CLIP2: variants seen among roughly 807,000 people sequenced by gnomAD.
The protein encoded by CLIP2 is CAP-Gly domain containing linker protein 2.
In CLIP2, 41 loss-of-function variants were observed where a neutral mutation model predicts 111.7. That is an observed-to-expected ratio of 0.37 (90% CI 0.29 to 0.48). The LOEUF is 0.48. Ranked by LOEUF, CLIP2 falls within the 20% of genes least tolerant of loss-of-function variation. CLIP2 has a pLI of 0.99. For synonymous variants in CLIP2, 660 were observed against 644.2 expected (o/e 1.02, Z -0.37); for missense variants, 1,160 against 1,422.1 (o/e 0.82, Z 2.96).
chr7:74,330,605 C>G (rs560774826), intron 2 of CLIP2, among the ~76,000 whole-genome samples: 1 of 152,000 alleles, frequency 6.6e-6, no homozygotes, highest in Non-Finnish European at 1.5e-5. Context: ...TCCTCTTCCC[C>G]TACCCCCAGG....
chr7:74,401,718 A>C, intron 16 of CLIP2, 151 bp downstream of exon 16: 3 of 775,542 alleles, frequency 3.9e-6, no homozygotes, highest in Non-Finnish European at 6.6e-6. Context: ...GTTGCAGGCA[A>C]ACTTGATTCC....
intron 5 of CLIP2, among the ~76,000 whole-genome samples, chr7:74,356,950 A>G (rs1409054886): frequency 2.6e-5 from 4 of 152,174 alleles, no homozygotes; most frequent in Non-Finnish European, 5.9e-5. Flanking sequence ...CTATGGGCAG[A>G]GGGCATTCTG....
rs1491364649 is a variant in CLIP2, at chr7:74,390,204, A to AGAAG, written c.2720+948_2720+949insGGAA. On this transcript the variant is annotated intron_variant, in intron 13 of 16. Transcript: ENST00000223398. ...AAGAAAGAAAGAAAGAAAGAAAGAA[A>AGAAG]GAAAGAAAGAAAGAAAGAAAGGATT... 7.1e-5 allele frequency among the ~76,000 whole-genome samples: 7 copies of AGAAG among 98,942 alleles called. 1 individual carries two copies. Among genetic ancestry groups the AGAAG allele is most frequent in the Non-Finnish European group, 1.7e-4 (7 of 41,610 alleles). The allele number at this position is 98,942 out of a possible 152,430, so 64.9% of individuals were successfully genotyped here. A position where few individuals can be genotyped will look rare whatever the true frequency, so the allele number is the denominator to read the frequency against.
chr7:74,301,870 A>C (rs1448555210), intron 1 of CLIP2, among the ~76,000 whole-genome samples: 1 of 145,402 alleles, frequency 6.9e-6, no homozygotes, highest in African/African-American at 2.5e-5. Context: ...CCTCCACCAC[A>C]CCAGGCTAAT....
chr7:74,372,307 A>G (rs529828892), intron 8 of CLIP2, among the ~76,000 whole-genome samples: 19 of 146,956 alleles, frequency 1.3e-4, no homozygotes, highest in Admixed American at 2.1e-4. Flanking sequence ...CCCGGCCTCC[A>G]CCAAGGAGGC....
chr7:74,329,556 T>G (rs1554731038), intron 2 of CLIP2, among the ~76,000 whole-genome samples: 1 of 151,068 alleles, frequency 6.6e-6, no homozygotes, highest in East Asian at 1.9e-4. Context: ...TTAAATTGTT[T>G]GTTTGTTTGT....
intron 1 of CLIP2, among the ~76,000 whole-genome samples, chr7:74,309,531 G>A (rs1205016187): frequency 6.6e-6 from 1 of 151,896 alleles, no homozygotes; most frequent in Non-Finnish European, 1.5e-5. Flanking sequence ...GGAGTCCTTC[G>A]TGTCTAGTTT....
intron 8 of CLIP2, among the ~76,000 whole-genome samples, chr7:74,370,810 A>G (rs1790596198): frequency 6.6e-6 from 1 of 151,870 alleles, no homozygotes; most frequent in South Asian, 2.1e-4. Flanking sequence ...TTCAGAACTC[A>G]CTGTAAATTA....
chr7:74,333,499 G>A (rs1554731657), intron 2 of CLIP2, among the ~76,000 whole-genome samples: 1 of 131,352 alleles, frequency 7.6e-6, no homozygotes, highest in Non-Finnish European at 1.6e-5. Flanking sequence ...TAATTCTTTT[G>A]GAGATGAGGT....
At chr7:74,322,834 G>A (rs1408329169) in intron 2 of CLIP2, among the ~76,000 whole-genome samples, 13 of 151,892 alleles carry the variant, frequency 8.6e-5, no homozygotes, top group Non-Finnish European at 1.6e-4. Context: ...TGGTTCAGGC[G>A]ATTCTCCTGC....
chr7:74,319,619 A>G (rs1788887473), intron 2 of CLIP2, among the ~76,000 whole-genome samples: 2 of 151,688 alleles, frequency 1.3e-5, no homozygotes, highest in South Asian at 4.2e-4. Flanking sequence ...GGAGTTCCAG[A>G]CCAGCCTGGG....
intron 2 of CLIP2, among the ~76,000 whole-genome samples, chr7:74,326,074 A>G (rs1157050494): frequency 6.6e-6 from 1 of 151,880 alleles, no homozygotes; most frequent in Non-Finnish European, 1.5e-5. Context: ...CCTCGTCTCT[A>G]CTAAAAATAA....
intron 3 of CLIP2, among the ~76,000 whole-genome samples, chr7:74,343,153 A>T (rs1386627219): frequency 8.6e-5 from 13 of 151,082 alleles, no homozygotes; most frequent in Non-Finnish European, 4.4e-5. Context: ...GTGCGGCTCC[A>T]CTCCAGCCTG....
intron 6 of CLIP2, among the ~76,000 whole-genome samples, chr7:74,358,922 C>T (rs1554309119): frequency 6.6e-6 from 1 of 152,106 alleles, no homozygotes; most frequent in Non-Finnish European, 1.5e-5. Flanking sequence ...TTTGTCCTTA[C>T]TGACATCTGA....
At chr7:74,330,030 T>G (rs1554731083) in intron 2 of CLIP2, among the ~76,000 whole-genome samples, 3 of 151,850 alleles carry the variant, frequency 2.0e-5, no homozygotes, top group Admixed American at 6.6e-5. Context: ...CCGCCTGCCT[T>G]GGCCTCCCAA....
intron 13 of CLIP2, among the ~76,000 whole-genome samples, chr7:74,396,800 C>T (rs1484156550): frequency 1.3e-5 from 2 of 152,116 alleles, no homozygotes; most frequent in Admixed American, 6.6e-5. Flanking sequence ...GGATTACAGG[C>T]GTGAGCCACT....
intron 1 of CLIP2, among the ~76,000 whole-genome samples, chr7:74,298,684 C>T (rs1554726382): frequency 2.0e-5 from 3 of 151,980 alleles, no homozygotes; most frequent in Non-Finnish European, 4.4e-5. Flanking sequence ...AGGCACGTGC[C>T]ACCACACCCA....
chr7:74,374,329 G>A (rs757310391), intron 9 of CLIP2, among the ~76,000 whole-genome samples: 1 of 152,202 alleles, frequency 6.6e-6, no homozygotes, highest in Non-Finnish European at 1.5e-5. Flanking sequence ...TCATGTGCAT[G>A]AAGACTGAAC....
intron 1 of CLIP2, among the ~76,000 whole-genome samples, chr7:74,313,596 T>G (rs1474585234): frequency 6.6e-6 from 1 of 151,172 alleles, no homozygotes; most frequent in Admixed American, 6.6e-5. Flanking sequence ...AGTGGCCAGC[T>G]TCAGGCTCAG....
Sources: gnomAD v4.1 joint callset for allele counts (sites outside exome capture counted in the v4.1 genomes callset) on GRCh38, gnomAD v4.1.1 for gene constraint, MANE v1.5 for transcripts, NCBI Gene and HGNC (gene_info 2026-07-23, HGNC 2026-07-21) for gene names.